Variants in CCSER1 observed in about 807,000 individuals in gnomAD.
CCSER1 encodes serine-rich coiled-coil domain-containing protein 1.
In CCSER1, 41 loss-of-function variants were observed where a neutral mutation model predicts 82.0. The observed-to-expected ratio is 0.50, with a 90% CI of 0.39 to 0.65. CCSER1 has a LOEUF of 0.65. Ranked by LOEUF, CCSER1 falls within the 30% of genes least tolerant of loss-of-function variation. The pLI is 0.00. For missense variants in CCSER1, 1,119 were observed against 1,064.2 expected (o/e 1.05, Z -0.72); for synonymous variants, 414 against 383.9 (o/e 1.08, Z -0.92).
At chr4:90,396,699 T>C (rs1329199108) in intron 3 of CCSER1, among the ~76,000 whole-genome samples, 3 of 152,150 alleles carry the variant, frequency 2.0e-5, no homozygotes, top group African/African-American at 7.2e-5. Flanking sequence ...TTGCTTTCCT[T>C]ATCTAGCTTT....
chr4:90,636,107 T>C (rs930724434), intron 6 of CCSER1, among the ~76,000 whole-genome samples: 3 of 151,794 alleles, frequency 2.0e-5, no homozygotes, highest in African/African-American at 7.2e-5. Context: ...GCAATGAATC[T>C]AGGGAGGAAT....
chr4:90,190,123 C>T (rs904926837), intron 1 of CCSER1, among the ~76,000 whole-genome samples: 3 of 151,902 alleles, frequency 2.0e-5, no homozygotes, highest in Non-Finnish European at 4.4e-5. Context: ...TACAGTTGGT[C>T]GAGAAACTGA....
At position 90,689,890 on chromosome 4, in the gene CCSER1, A is replaced by G. The variant is rs535346258; in HGVS notation, c.1933-34024A>G. Among the ~76,000 whole-genome samples, 3 of 152,180 alleles carry G rather than the reference A, an allele frequency of 2.0e-5. No homozygotes were observed. The East Asian group carries it at 5.8e-4, about 29-fold the overall frequency. ...CTGTTAGCCAGGATGGGAGGCAGTG[A>G]GGTTTTGGATGTGTGGTTAGTGCTG... On this transcript the variant is annotated intron_variant, in intron 6 of 10. Coordinates refer to ENST00000509176, the MANE Select transcript of CCSER1 (RefSeq NM_001145065.2).
chr4:91,531,722 G>A (rs1761039305), intron 10 of CCSER1, among the ~76,000 whole-genome samples: 1 of 152,164 alleles, frequency 6.6e-6, no homozygotes, highest in Non-Finnish European at 1.5e-5. Flanking sequence ...CTGCTTCTAA[G>A]ATGACACCTT....
At chr4:90,628,284 T>A (rs1723700494) in intron 6 of CCSER1, 52 bp downstream of exon 6, 2 of 1,435,580 alleles carry the variant, frequency 1.4e-6, no homozygotes, top group Non-Finnish European at 2.0e-6. Context: ...GACAATGAAG[T>A]CTGCAGACGT....
chr4:91,052,117 A>T (rs1298443969), intron 9 of CCSER1, among the ~76,000 whole-genome samples: 2 of 151,994 alleles, frequency 1.3e-5, no homozygotes, highest in African/African-American at 4.8e-5. Context: ...TTGTGGGAAA[A>T]AATGCCTTTT....
intron 7 of CCSER1, among the ~76,000 whole-genome samples, chr4:90,776,403 A>G (rs1752896897): frequency 6.6e-6 from 1 of 152,238 alleles, no homozygotes; most frequent in South Asian, 2.1e-4. Context: ...AAGATTACAC[A>G]AAAGTCTTAA....
chr4:90,784,348 A>G (rs1198237260), intron 7 of CCSER1, among the ~76,000 whole-genome samples: 1 of 152,254 alleles, frequency 6.6e-6, no homozygotes, highest in Non-Finnish European at 1.5e-5. Flanking sequence ...AACAAATAGC[A>G]TACCAGTTAT....
intron 10 of CCSER1, among the ~76,000 whole-genome samples, chr4:91,588,447 G>T (rs1176527243): frequency 6.6e-6 from 1 of 151,414 alleles, no homozygotes; most frequent in Non-Finnish European, 1.5e-5. Flanking sequence ...TTTAAAAATT[G>T]GTTCTAACTT....
At chr4:90,409,489 G>A (rs1181779290) in intron 4 of CCSER1, among the ~76,000 whole-genome samples, 2 of 152,166 alleles carry the variant, frequency 1.3e-5, no homozygotes, top group African/African-American at 2.4e-5. Context: ...CATTCTTAAA[G>A]AAAAGAATTT....
intron 10 of CCSER1, among the ~76,000 whole-genome samples, chr4:91,236,339 A>G (rs1222162536): frequency 6.6e-6 from 1 of 152,084 alleles, no homozygotes; most frequent in Non-Finnish European, 1.5e-5. Flanking sequence ...TACAAAAATT[A>G]GCTGGGTGTG....
chr4:91,012,315 G>T (rs1228790376), intron 9 of CCSER1, among the ~76,000 whole-genome samples: 3 of 134,608 alleles, frequency 2.2e-5, no homozygotes, highest in African/African-American at 7.4e-5. Context: ...CAGTGACTGG[G>T]AGGGGTACAT....
intron 4 of CCSER1, among the ~76,000 whole-genome samples, chr4:90,417,680 G>A (rs186558539): frequency 2.0e-3 from 305 of 152,200 alleles, no homozygotes; most frequent in African/African-American, 6.3e-3. Flanking sequence ...AATTAATTGC[G>A]TAGTTGCTAA....
At chr4:90,850,677 C>T (rs1306681443) in intron 8 of CCSER1, among the ~76,000 whole-genome samples, 1 of 152,222 alleles carries the variant, frequency 6.6e-6, no homozygotes, top group East Asian at 1.9e-4. Context: ...CCTGTACCCC[C>T]ACTGTATCTT....
intron 10 of CCSER1, among the ~76,000 whole-genome samples, chr4:91,467,115 G>T (rs940837828): frequency 2.0e-5 from 3 of 152,058 alleles, no homozygotes; most frequent in African/African-American, 7.2e-5. Context: ...ATACTACAAG[G>T]CTACAGTGAC....
At chr4:91,069,014 A>G (rs1269665527) in intron 9 of CCSER1, among the ~76,000 whole-genome samples, 1 of 152,044 alleles carries the variant, frequency 6.6e-6, no homozygotes, top group East Asian at 1.9e-4. Flanking sequence ...TCTTTACAAA[A>G]AATACAAAAA....
intron 1 of CCSER1, among the ~76,000 whole-genome samples, chr4:90,151,011 G>C (rs907938562): frequency 1.3e-5 from 2 of 151,868 alleles, no homozygotes; most frequent in African/African-American, 4.8e-5. Context: ...TTTAATAAAA[G>C]GTTCCACAAC....
rs916916577 is a variant in CCSER1 at position 91,603,002 on chromosome 4, T to C, written c.*3945T>C. Among the ~76,000 whole-genome samples, 1 of 152,108 alleles carries C rather than the reference T, an allele frequency of 6.6e-6. No homozygotes were observed. Among genetic ancestry groups the C allele is most frequent in the African/African-American group, 2.4e-5 (1 of 41,460 alleles). ...ATGTAATATTCTTGGGAAATTTACC[T>C]CTCCTAGAGTTTAAGCTTTTTAAAA... On this transcript the variant is annotated 3_prime_UTR_variant, in exon 11 of 11. Transcript: ENST00000509176.
At chr4:90,479,643 T>TG (rs1765625597) in intron 5 of CCSER1, among the ~76,000 whole-genome samples, 1 of 152,146 alleles carries the variant, frequency 6.6e-6, no homozygotes, top group South Asian at 2.1e-4. Flanking sequence ...TTTTTGTCCT[T>TG]GCGATAGTTT....
Sources: allele counts gnomAD v4.1 joint callset (sites outside exome capture counted in the v4.1 genomes callset), GRCh38; gene constraint gnomAD v4.1.1; transcripts MANE v1.5; gene names NCBI Gene and HGNC (gene_info 2026-07-23, HGNC 2026-07-21).